Variants in TENM3 observed in about 807,000 individuals in gnomAD.
The protein encoded by TENM3 is teneurin-3.
TENM3 carries 63 observed loss-of-function variants against 255.1 expected under a neutral mutation model. That is an observed-to-expected ratio of 0.25 (90% CI 0.20 to 0.30). The LOEUF (loss-of-function observed/expected upper bound fraction) is 0.30. Ranked by LOEUF, TENM3 falls within the 10% of genes least tolerant of loss-of-function variation. The probability of loss-of-function intolerance (pLI) is 1.00; values close to 1 mark genes in which losing one functional copy is unlikely to be tolerated. For synonymous variants in TENM3, 1,306 were observed against 1,322.3 expected (o/e 0.99, Z 0.27); for missense variants, 2,929 against 3,461.1 (o/e 0.85, Z 3.86).
At chr4:182,198,025 A>G (rs571437543) in intron 1 of TENM3, among the ~76,000 whole-genome samples, 1 of 152,188 alleles carries the variant, frequency 6.6e-6, no homozygotes, top group South Asian at 2.1e-4. Flanking sequence ...GAATCGCTTG[A>G]ACCTGGGAGG....
chr4:182,085,431 AT>A, the TENM3 span, among the ~76,000 whole-genome samples: 191 of 151,710 alleles, frequency 1.3e-3, no homozygotes, highest in African/African-American at 4.0e-3. Flanking sequence ...ATTACACACG[AT>A]TTTTTTTTAA....
the TENM3 span, among the ~76,000 whole-genome samples, chr4:181,553,133 T>A: frequency 1.3e-5 from 2 of 152,134 alleles, no homozygotes; most frequent in African/African-American, 4.8e-5. Flanking sequence ...TGTAGAGAAT[T>A]ATTTTTAAAT....
At chr4:181,719,612 T>C in the TENM3 span, among the ~76,000 whole-genome samples, 2 of 152,192 alleles carry the variant, frequency 1.3e-5, no homozygotes, top group African/African-American at 4.8e-5. Flanking sequence ...AGAGCCCTTA[T>C]GACCTAATTA....
chr4:181,631,136 T>G, the TENM3 span, among the ~76,000 whole-genome samples: 1 of 152,114 alleles, frequency 6.6e-6, no homozygotes. Context: ...TCCATCTTTT[T>G]GTCGTTGTAG....
intron 3 of TENM3, among the ~76,000 whole-genome samples, chr4:182,433,224 G>C (rs920703422): frequency 3.3e-5 from 5 of 152,116 alleles, no homozygotes; most frequent in Non-Finnish European, 4.4e-5. Context: ...GAAGATGTTG[G>C]AGAATGGCAT....
chr4:182,165,682 T>C (rs985857757), intron 1 of TENM3, among the ~76,000 whole-genome samples: 1 of 152,226 alleles, frequency 6.6e-6, no homozygotes, highest in Non-Finnish European at 1.5e-5. Context: ...TATTCTGTTA[T>C]TGCAGCATGC....
chr4:181,582,280 GA>G, the TENM3 span, among the ~76,000 whole-genome samples: 11 of 151,790 alleles, frequency 7.2e-5, no homozygotes, highest in Admixed American at 7.2e-4. Context: ...TTGAGAAAAA[GA>G]AAAAGGAGCA....
At position 182,290,833 on chromosome 4, in the gene TENM3, T is replaced by C. The variant is rs1474257512; in HGVS notation, c.-75-33113T>C. On this transcript the variant is annotated intron_variant, in intron 1 of 27. Coordinates refer to ENST00000511685, the MANE Select transcript of TENM3 (RefSeq NM_001080477.4). The stretch of plus-strand genomic sequence containing the variant: ...GCCTTTTAAATAGGAGGTTTTGTTT[T>C]AATTTGAGACAGAGTCTTGCTTTGT... Among the ~76,000 whole-genome samples the C allele has an allele frequency of 4.1e-5, 6 of 147,600 alleles. No homozygotes were observed. The East Asian group carries it at 1.2e-3, about 30-fold the overall frequency.
intron 3 of TENM3, among the ~76,000 whole-genome samples, chr4:182,473,239 G>T (rs1009530206): frequency 6.6e-6 from 1 of 152,040 alleles, no homozygotes; most frequent in African/African-American, 2.4e-5. Context: ...AATGTCTATG[G>T]CTTCAAGGTC....
rs148177416 is a variant in TENM3 at position 182,687,045 on chromosome 4, A to T, written c.2036-1121A>T. On this transcript the variant is annotated intron_variant, in intron 11 of 27. Coordinates refer to ENST00000511685, the MANE Select transcript of TENM3 (RefSeq NM_001080477.4). ...CTTGATAAGGTGTTTAGCCTGTGAG[A>T]TAGAGAATCACGTGTCTGAGAAATG... is the stretch of plus-strand genomic sequence containing the variant. Among the ~76,000 whole-genome samples, 216 of 152,272 alleles carry T rather than the reference A, an allele frequency of 1.4e-3. 5 individuals carry two copies. In the East Asian group the frequency reaches 0.04, roughly 28 times the overall value.
the TENM3 span, among the ~76,000 whole-genome samples, chr4:181,600,810 A>T: frequency 6.7e-6 from 1 of 149,940 alleles, no homozygotes; most frequent in African/African-American, 2.5e-5. Flanking sequence ...CCATTTTCCA[A>T]TTTTCAAGAA....
chr4:181,930,309 A>G, the TENM3 span, among the ~76,000 whole-genome samples: 2 of 152,194 alleles, frequency 1.3e-5, no homozygotes, highest in South Asian at 4.1e-4. Flanking sequence ...AATCAAACAG[A>G]CACAATAAAA....
At chr4:182,095,982 AT>A in the TENM3 span, among the ~76,000 whole-genome samples, 2 of 152,118 alleles carry the variant, frequency 1.3e-5, no homozygotes, top group Non-Finnish European at 2.9e-5. Context: ...CAGAATAAAT[AT>A]CCAGGCACGG....
intron 3 of TENM3, among the ~76,000 whole-genome samples, chr4:182,419,713 C>T (rs943246081): frequency 1.3e-5 from 2 of 152,072 alleles, no homozygotes; most frequent in Non-Finnish European, 2.9e-5. Flanking sequence ...AGTTCTTGTC[C>T]TTTGTAAGGA....
chr4:181,580,816 C>G, the TENM3 span, among the ~76,000 whole-genome samples: 1 of 152,146 alleles, frequency 6.6e-6, no homozygotes, highest in Non-Finnish European at 1.5e-5. Flanking sequence ...TTCATAAACT[C>G]TAGATTCCTA....
At chr4:181,691,235 T>C in the TENM3 span, among the ~76,000 whole-genome samples, 1 of 150,820 alleles carries the variant, frequency 6.6e-6, no homozygotes, top group African/African-American at 2.4e-5. Context: ...AAATATGATC[T>C]TGTGTGTGTG....
At chr4:182,385,021 T>C (rs1245155223) in intron 3 of TENM3, among the ~76,000 whole-genome samples, 1 of 152,130 alleles carries the variant, frequency 6.6e-6, no homozygotes, top group African/African-American at 2.4e-5. Flanking sequence ...TCTTCATCAG[T>C]GCAGTAAACT....
chr4:181,631,644 T>C, the TENM3 span, among the ~76,000 whole-genome samples: 2,080 of 152,236 alleles, frequency 0.014, 51 homozygotes, highest in African/African-American at 0.047. Flanking sequence ...ACCCAAGACA[T>C]TCTTCTTTTT....
At chr4:182,076,842 C>T in the TENM3 span, among the ~76,000 whole-genome samples, 1 of 152,190 alleles carries the variant, frequency 6.6e-6, no homozygotes, top group Non-Finnish European at 1.5e-5. Flanking sequence ...TAGGCACGGC[C>T]ATGTTCCCAT....
Sources: gnomAD v4.1 joint callset for allele counts (sites outside exome capture counted in the v4.1 genomes callset) on GRCh38, gnomAD v4.1.1 for gene constraint, MANE v1.5 for transcripts, NCBI Gene and HGNC (gene_info 2026-07-23, HGNC 2026-07-21) for gene names.